GCGR: variants seen among roughly 807,000 people sequenced by gnomAD.
GCGR encodes the protein glucagon receptor.
A neutral mutation model predicts 56.1 loss-of-function variants in GCGR; 41 were observed. The ratio of observed to expected loss-of-function variants is 0.73; its 90% confidence interval spans 0.57 to 0.95. The LOEUF (loss-of-function observed/expected upper bound fraction) is 0.95, where lower values mean the gene tolerates loss of function less well. Ranked by LOEUF, GCGR falls within the 40% of genes least tolerant of loss-of-function variation. The probability of loss-of-function intolerance (pLI) is 0.00; values close to 1 mark genes in which losing one functional copy is unlikely to be tolerated. For synonymous variants in GCGR, 278 were observed against 271.1 expected (o/e 1.03, Z -0.25); for missense variants, 595 against 638.2 (o/e 0.93, Z 0.73).
At chr17:81,808,731 G>A in intron 1 of GCGR, 111 bp from the exon 2 acceptor site, 1 of 510,574 alleles carries the variant, frequency 2.0e-6, no homozygotes, top group Non-Finnish European at 3.5e-6. Context: ...GTGTTAGCCA[G>A]GATGGTCTCG....
intron 1 of GCGR, 36 bp from the exon 2 acceptor site, chr17:81,808,806 G>A (rs564514209): frequency 7.2e-5 from 44 of 611,880 alleles, no homozygotes; most frequent in Non-Finnish European, 1.1e-4. Context: ...GGCGTGAGCC[G>A]CCGCGCCCGG....
rs1042862392 is a variant in GCGR, at chr17:81,810,044, C to G, written c.163+160C>G. Reference sequence around the variant, plus strand: ...CCACCACCGTGGGCAGGTGAGGTAACGAGGTAACTGAGCCACAGAGCTGGG... The same window carrying G: ...CCACCACCGTGGGCAGGTGAGGTAAGGAGGTAACTGAGCCACAGAGCTGGG... On this transcript the variant is annotated intron_variant, in intron 3 of 13. Coordinates refer to ENST00000400723, the MANE Select transcript of GCGR (RefSeq NM_000160.5). This position sits in a 1 kb window ranked among gnomAD's most constrained non-coding sequence, Gnocchi z 4.6. 1.4e-6 allele frequency: 1 copy of G among 692,234 alleles called. No individual in the cohort carries two copies. The highest frequency in any genetic ancestry group is 1.8e-5 in the African/African-American group (1 of 56,990). The allele number at this position is 692,234 out of a possible 1,614,324, so 42.9% of individuals were successfully genotyped here.
rs2038016533 is a variant in GCGR, at chr17:81,808,932, C to T, written c.-87C>T. 9 of 1,483,106 alleles carry T rather than the reference C, an allele frequency of 6.1e-6. No individual in the cohort carries two copies. The highest frequency in any genetic ancestry group is 3.9e-5 in the Admixed American group (2 of 50,844). The allele number at this position is 1,483,106 out of a possible 1,614,324, so 91.9% of individuals were successfully genotyped here. ...TGCTGCTCTGCCACTCAGCTGCCCT[C>T]GGAGGAGCGTACACACCCACCAGGA... On this transcript the variant is annotated 5_prime_UTR_variant, in exon 2 of 14. Transcript: ENST00000400723.
At chr17:81,809,630 CCTGCCTGTCTGTCTGCCTGT>C (rs1303114125) in intron 2 of GCGR, among the ~76,000 whole-genome samples, 132 bp from the exon 3 acceptor site, 73 of 146,270 alleles carry the variant, frequency 5.0e-4, no homozygotes, top group African/African-American at 1.5e-3. Flanking sequence ...TGTCCGTCTG[CCTGCCTGTCTGTCTGCCTGT>C]CTGCCTGTCT....
chr17:81,807,838 C>T (rs530236455), intron 1 of GCGR, among the ~76,000 whole-genome samples: 1 of 152,366 alleles, frequency 6.6e-6, no homozygotes, highest in Non-Finnish European at 1.5e-5. Context: ...GTAGCTGTTG[C>T]CACCCCGAAC....
chr17:81,809,715 C>T (rs1027966701), intron 2 of GCGR, 67 bp from the exon 3 acceptor site: 3 of 1,264,704 alleles, frequency 2.4e-6, no homozygotes, highest in African/African-American at 1.5e-5. Context: ...GTCTGCCTGT[C>T]TGTCTGCCTG....
chr17:81,813,438 G>A lies in GCGR; in HGVS notation c.1219-36G>A. ...CCCGGTGGGGTGGAGAGGACAGGCA[G>A]GCCCTAGGACTGGCCTGCCCCGTCC... On this transcript the variant is annotated intron_variant, in intron 13 of 13. Coordinates refer to ENST00000400723, the MANE Select transcript of GCGR (RefSeq NM_000160.5). The surrounding 1 kb of genome is among the most constrained non-coding windows in gnomAD (Gnocchi z 5.3). 1 of 1,522,154 alleles carries A rather than the reference G, an allele frequency of 6.6e-7. No homozygotes were observed. The highest frequency in any genetic ancestry group is 8.8e-7 in the Non-Finnish European group (1 of 1,136,962). The allele number at this position is 1,522,154 out of a possible 1,614,324, so 94.3% of individuals were successfully genotyped here. A position where few individuals can be genotyped will look rare whatever the true frequency, so the allele number is the denominator to read the frequency against.
Position 81,809,799 on chromosome 17 carries a change from T to C in GCGR, c.78T>C (p.Ala26=), listed in dbSNP as rs2038057300. 1 of 1,536,430 alleles carries C rather than the reference T, an allele frequency of 6.5e-7. No homozygotes were observed. Among genetic ancestry groups the C allele is most frequent in the African/African-American group, 1.4e-5 (1 of 73,036 alleles). ...TCCCCCAGCCACAGGTCCCCTCCGC[T>C]CAGGTGATGGACTTCCTGTTTGAGA... ...LLACQPQVPS[A]QVMDFLFEKW... The change falls in exon 3 of 14, where the codon GCT becomes GCC. Residue 26 remains alanine (A), a synonymous_variant. Coordinates refer to ENST00000400723, the MANE Select transcript of GCGR (RefSeq NM_000160.5).
Position 81,811,718 on chromosome 17 carries a change from T to C in GCGR, c.725T>C (p.Leu242Pro). 6.5e-7 allele frequency: 1 copy of C among 1,544,288 alleles called. No individual in the cohort carries two copies. Among genetic ancestry groups the C allele is most frequent in the Non-Finnish European group, 8.7e-7 (1 of 1,151,526 alleles). The change falls in exon 8 of 14, where the codon CTG becomes CCG. Residue 242 changes from leucine to proline, a missense_variant. Coordinates refer to ENST00000400723, the MANE Select transcript of GCGR (RefSeq NM_000160.5). The surrounding 1 kb of genome is among the most constrained non-coding windows in gnomAD (Gnocchi z 5.8). The stretch of plus-strand genomic sequence containing the variant: ...GGCATCGTGGCCAACTACTGCTGGC[T>C]GCTGGTGGAGGGCCTGTACCTGCAC... ...QYGIVANYCW[L>P]LVEGLYLHNL...
rs937070697 is a variant in GCGR, at chr17:81,810,850, CAAG to C, written c.190_192del (p.Lys64del). On this transcript the variant is annotated inframe_deletion, in exon 4 of 14. Transcript: ENST00000400723. The surrounding 1 kb of genome is among the most constrained non-coding windows in gnomAD (Gnocchi z 4.6). ...AGCTGGTGTGCAACAGAACCTTCGA[CAAG>C]TATTCCTGCTGGCCGGACACCCCCG... The C allele has an allele frequency of 6.5e-7, 1 of 1,536,554 alleles. No homozygotes were observed. Among genetic ancestry groups the C allele is most frequent in the African/African-American group, 1.4e-5 (1 of 73,020 alleles).
Position 81,804,725 on chromosome 17 carries a change from T to A in GCGR, c.-178+476T>A, listed in dbSNP as rs2037914446. Among the ~76,000 whole-genome samples the A allele has an allele frequency of 6.6e-6, 1 of 151,918 alleles. No individual in the cohort carries two copies. Among genetic ancestry groups the A allele is most frequent in the African/African-American group, 2.4e-5 (1 of 41,374 alleles). The stretch of plus-strand genomic sequence containing the variant: ...CCGGTGGCACCGGCGCGGCCCAGGA[T>A]GGGGTGAGGGGTGTCTGCGCCCCGC... On this transcript the variant is annotated intron_variant, in intron 1 of 13. Transcript: ENST00000400723. The surrounding 1 kb of genome is among the most constrained non-coding windows in gnomAD (Gnocchi z 8.2).
chr17:81,809,255 T>G (rs2038027554), intron 2 of GCGR, among the ~76,000 whole-genome samples, 177 bp downstream of exon 2: 1 of 144,434 alleles, frequency 6.9e-6, no homozygotes, highest in Admixed American at 6.9e-5. Flanking sequence ...CATCTGTCCA[T>G]CTGCCTATCC....
At position 81,813,503 on chromosome 17, in the gene GCGR, C is replaced by T. The variant is rs1290918504; in HGVS notation, c.1248C>T (p.His416=). Reference sequence around the variant, plus strand: ...AGTCGGAGCTGCGGCGGCGTTGGCACCGCTGGCGCCTGGGCAAAGTGCTAT... The same window carrying T: ...AGTCGGAGCTGCGGCGGCGTTGGCATCGCTGGCGCCTGGGCAAAGTGCTAT... The part of the protein sequence containing the change: ...EVQSELRRRW[H]RWRLGKVLWE... The change falls in exon 14 of 14, where the codon CAC becomes CAT. Residue 416 remains histidine (H), a synonymous_variant. Coordinates refer to ENST00000400723, the MANE Select transcript of GCGR (RefSeq NM_000160.5). The surrounding 1 kb of genome is among the most constrained non-coding windows in gnomAD (Gnocchi z 5.3). The T allele has an allele frequency of 1.3e-6, 2 of 1,535,486 alleles. No homozygotes were observed. The highest frequency in any genetic ancestry group is 2.0e-5 in the Admixed American group (1 of 50,980).
In GCGR at chr17:81,811,134, C is replaced by T. The variant is rs1326831835; in HGVS notation, c.393+3C>T. On this transcript the variant is annotated splice_donor_region_variant and intron_variant, in intron 5 of 13. Transcript: ENST00000400723. This position sits in a 1 kb window ranked among gnomAD's most constrained non-coding sequence, Gnocchi z 5.8. ...ATGGCGAGGAGATTGAGGTCCAGGTCAGTGGGCGGCAGGCAGGCGCGGTGG... is the reference window on the plus strand; with the variant it reads ...ATGGCGAGGAGATTGAGGTCCAGGTTAGTGGGCGGCAGGCAGGCGCGGTGG... The T allele has an allele frequency of 2.0e-6, 3 of 1,536,046 alleles. No homozygotes were observed. The highest frequency in any genetic ancestry group is 2.6e-6 in the Non-Finnish European group (3 of 1,146,816).
chr17:81,810,384 C>T lies in GCGR; in HGVS notation c.164-441C>T. 1 of 327,392 alleles carries T rather than the reference C, an allele frequency of 3.1e-6. No homozygotes were observed. The highest frequency in any genetic ancestry group is 5.9e-6 in the Non-Finnish European group (1 of 170,366). 20.3% of individuals were successfully genotyped at this position (327,392 alleles called of 1,614,324 possible). On this transcript the variant is annotated intron_variant, in intron 3 of 13. Coordinates refer to ENST00000400723, the MANE Select transcript of GCGR (RefSeq NM_000160.5). The surrounding 1 kb of genome is among the most constrained non-coding windows in gnomAD (Gnocchi z 4.6). ...GGGCAGAGGGGGGCAGGTGTGGCAGCCTCCATTGGGCAGAGGGAGCAGATG... is the reference window on the plus strand; with the variant it reads ...GGGCAGAGGGGGGCAGGTGTGGCAGTCTCCATTGGGCAGAGGGAGCAGATG...
Position 81,806,810 on chromosome 17 carries a change from G to A in GCGR, c.-177-2032G>A, listed in dbSNP as rs528775446. On this transcript the variant is annotated intron_variant, in intron 1 of 13. Coordinates refer to ENST00000400723, the MANE Select transcript of GCGR (RefSeq NM_000160.5). The surrounding 1 kb of genome is among the most constrained non-coding windows in gnomAD (Gnocchi z 6.5). ...TCCCCCCCCACCCCCACTTCGAGGC[G>A]CCCAGGCAGGGAACAGCTCATTGGC... 1.2e-4 allele frequency among the ~76,000 whole-genome samples: 17 copies of A among 142,560 alleles called. No homozygotes were observed. The highest frequency in any genetic ancestry group is 2.1e-4 in the African/African-American group (8 of 38,060). The allele number at this position is 142,560 out of a possible 152,430, so 93.5% of individuals were successfully genotyped here. A position where few individuals can be genotyped will look rare whatever the true frequency, so the allele number is the denominator to read the frequency against.
chr17:81,806,584 C>T lies in GCGR; in HGVS notation c.-177-2258C>T, dbSNP rs992312902. Among the ~76,000 whole-genome samples, 6 of 152,282 alleles carry T rather than the reference C, an allele frequency of 3.9e-5. No individual in the cohort carries two copies. The highest frequency in any genetic ancestry group is 1.4e-4 in the African/African-American group (6 of 41,554). The stretch of plus-strand genomic sequence containing the variant: ...CCGGCTGGAAGGTGGGGCCCTGGCA[C>T]GCGAGGACCTCATGTGTGGAGGCAC... On this transcript the variant is annotated intron_variant, in intron 1 of 13. Transcript: ENST00000400723. The surrounding 1 kb of genome is among the most constrained non-coding windows in gnomAD (Gnocchi z 6.5).
In GCGR at chr17:81,811,067, C is replaced by T; in HGVS notation, c.329C>T (p.Pro110Leu). The change falls in exon 5 of 14, where the codon CCC (proline) becomes CTC (leucine). Residue 110 changes from proline (P) to leucine (L), a missense_variant. Pro to Leu is a moderately conservative substitution (Grantham distance 98). Transcript: ENST00000400723. The surrounding 1 kb of genome is among the most constrained non-coding windows in gnomAD (Gnocchi z 5.8). Reference protein sequence around the residue: ...CGPDGQWVRGPRGQPWRDASQ... With the variant: ...CGPDGQWVRGLRGQPWRDASQ... ...CCCGACGGTCAGTGGGTGCGTGGAC[C>T]CCGGGGGCAGCCTTGGCGTGATGCC... 1 of 1,536,142 alleles carries T rather than the reference C, an allele frequency of 6.5e-7. No homozygotes were observed. The highest frequency in any genetic ancestry group is 8.7e-7 in the Non-Finnish European group (1 of 1,146,828).
Position 81,811,771 on chromosome 17 carries a change from G to A in GCGR, c.778G>A (p.Glu260Lys), listed in dbSNP as rs999148337. The A allele has an allele frequency of 7.2e-6, 11 of 1,537,942 alleles. No individual in the cohort carries two copies. Among genetic ancestry groups the A allele is most frequent in the Admixed American group, 2.0e-5 (1 of 51,052 alleles). ...CCTGCTGGGCCTGGCCACCCTCCCC[G>A]AGAGGAGCTTCTTCAGCCTCTACCT... ...HNLLGLATLP[E>K]RSFFSLYLGI... Residue 260 changes from glutamate to lysine, a missense_variant, in exon 8 of 14, where the codon GAG becomes AAG. Transcript: ENST00000400723. The surrounding 1 kb of genome is among the most constrained non-coding windows in gnomAD (Gnocchi z 5.8).
Sources: gnomAD v4.1 joint callset for allele counts (sites outside exome capture counted in the v4.1 genomes callset) on GRCh38, gnomAD v4.1.1 for gene constraint, Gnocchi (gnomAD v3.1) non-coding constraint, MANE v1.5 for transcripts, NCBI Gene and HGNC (gene_info 2026-07-23, HGNC 2026-07-21) for gene names.